NLRC5: variants seen among roughly 807,000 people sequenced by gnomAD.
The protein encoded by NLRC5 is protein NLRC5.
A neutral mutation model predicts 206.9 loss-of-function variants in NLRC5; 114 were observed. The ratio of observed to expected loss-of-function variants is 0.55; its 90% CI spans 0.47 to 0.64. NLRC5 has a LOEUF of 0.64. Ranked by LOEUF, NLRC5 falls within the 30% of genes least tolerant of loss-of-function variation. NLRC5 has a pLI of 0.00. For missense variants in NLRC5, 2,008 were observed against 2,305.5 expected, an observed-to-expected ratio of 0.87 and a Z score of 2.64; for synonymous variants, 952 against 962.8, an observed-to-expected ratio of 0.99 and a Z score of 0.21.
intron 43 of NLRC5, among the ~76,000 whole-genome samples, chr16:57,078,480 T>TG (rs1485450239): frequency 3.4e-5 from 5 of 146,572 alleles, no homozygotes; most frequent in Admixed American, 1.3e-4. Context: ...TTTTTTTTTT[T>TG]TTTTTTTTTT....
At chr16:57,051,346 C>G (rs1443120746) in intron 23 of NLRC5, among the ~76,000 whole-genome samples, 192 bp from the exon 24 acceptor site, 1 of 152,196 alleles carries the variant, frequency 6.6e-6, no homozygotes, top group Non-Finnish European at 1.5e-5. Flanking sequence ...TTGGCTTAAC[C>G]CCGTATTTCC....
Position 57,025,920 on chromosome 16 carries a change from C to T in NLRC5, c.977C>T (p.Thr326Ile). Residue 326 changes from threonine to isoleucine, a missense_variant, in exon 6 of 49, where the codon ACC (threonine) becomes ATC (isoleucine). Physicochemically the swap from Thr to Ile is moderately conservative, Grantham distance 89. Coordinates refer to ENST00000688547, the MANE Select transcript of NLRC5 (RefSeq NM_001384950.1). Reference sequence around the variant, plus strand: ...CCTGATGGCCCAGGCCCAGTCCTCACCCTTTTCTCCCATCTCTGCAATGGG... The same window carrying T: ...CCTGATGGCCCAGGCCCAGTCCTCATCCTTTTCTCCCATCTCTGCAATGGG... Reference protein sequence around the residue: ...MGPDGPGPVLTLFSHLCNGTL... With the variant: ...MGPDGPGPVLILFSHLCNGTL... 2 of 1,614,214 alleles carry T rather than the reference C, an allele frequency of 1.2e-6. No individual in the cohort carries two copies. The highest frequency in any genetic ancestry group is 3.3e-4 in the Middle Eastern group (2 of 6,062).
intron 1 of NLRC5, chr16:57,004,703 T>G (rs1211161070): frequency 6.6e-6 from 1 of 152,380 alleles, no homozygotes; most frequent in African/African-American, 2.4e-5. Context: ...CAAAGGCCTG[T>G]GGGCTGCAGG....
At chr16:57,062,146 A>AT in intron 32 of NLRC5, 1 of 860,278 alleles carries the variant, frequency 1.2e-6, no homozygotes, top group Non-Finnish European at 1.7e-6. Flanking sequence ...TTCTATTTTT[A>AT]TTTTTATTTC....
chr16:57,024,702 G>A (rs191396289), intron 5 of NLRC5, among the ~76,000 whole-genome samples: 7 of 152,178 alleles, frequency 4.6e-5, no homozygotes, highest in Admixed American at 3.9e-4. Flanking sequence ...ACAGAAAGAG[G>A]TTGTTTCAAT....
intron 1 of NLRC5, among the ~76,000 whole-genome samples, chr16:57,016,403 G>A (rs1380610167): frequency 3.3e-5 from 5 of 152,098 alleles, no homozygotes; most frequent in Non-Finnish European, 7.3e-5. Context: ...TACATTCCCC[G>A]TATTTCACAG....
Position 57,020,904 on chromosome 16 carries a change from G to C in NLRC5, c.192G>C (p.Gln64His). The change falls in exon 3 of 49, where the codon CAG becomes CAC. Residue 64 changes from glutamine (Q) to histidine (H), a missense_variant. Gln to His is a conservative substitution (Grantham distance 24). Transcript: ENST00000688547. Reference protein sequence around the residue: ...VILQLNKLHVQGSDTWQSFIH... With the variant: ...VILQLNKLHVHGSDTWQSFIH... ...TGCAACTCAACAAGCTGCATGTCCA[G>C]GGTTCGGACACCTGGCAGTCTTTCA... is the stretch of plus-strand genomic sequence containing the variant. The C allele has an allele frequency of 6.2e-7, 1 of 1,614,016 alleles. No individual in the cohort carries two copies. Among genetic ancestry groups the C allele is most frequent in the Non-Finnish European group, 8.5e-7 (1 of 1,180,016 alleles).
At chr16:57,010,681 ATT>A (rs2059394518) in intron 1 of NLRC5, among the ~76,000 whole-genome samples, 1 of 152,044 alleles carries the variant, frequency 6.6e-6, no homozygotes, top group African/African-American at 2.4e-5. Flanking sequence ...CTGCTTTTTA[ATT>A]GTAATATTCA....
At chr16:57,029,634 C>T (rs1314760001) in intron 8 of NLRC5, 139 bp from the exon 9 acceptor site, 40 of 678,076 alleles carry the variant, frequency 5.9e-5, no homozygotes, top group South Asian at 2.1e-4. Context: ...TGCTGGAATC[C>T]GGCGAGCAGG....
chr16:57,076,525 G>C (rs2068422890), intron 39 of NLRC5, among the ~76,000 whole-genome samples: 1 of 152,202 alleles, frequency 6.6e-6, no homozygotes, highest in Non-Finnish European at 1.5e-5. Flanking sequence ...AAGAAATGTA[G>C]AGACTCCTCC....
intron 13 of NLRC5, among the ~76,000 whole-genome samples, 188 bp from the exon 14 acceptor site, chr16:57,035,912 G>C (rs1330296607): frequency 6.6e-6 from 1 of 152,200 alleles, no homozygotes; most frequent in Admixed American, 6.5e-5. Flanking sequence ...GGATGAAATA[G>C]GCCAATAGTC....
chr16:57,013,849 CT>C, intron 1 of NLRC5: 2 of 667,554 alleles, frequency 3.0e-6, no homozygotes, highest in Non-Finnish European at 2.8e-6. Context: ...CCGATACTTT[CT>C]TTTTCAAAAA....
chr16:57,042,139 C>A (rs1475133470), intron 19 of NLRC5, 74 bp downstream of exon 19: 11 of 955,652 alleles, frequency 1.2e-5, no homozygotes, highest in African/African-American at 1.7e-5. Flanking sequence ...CCCCCTCTTT[C>A]CTGGGGTTAT....
intron 1 of NLRC5, among the ~76,000 whole-genome samples, chr16:56,997,377 C>A (rs1414246480): frequency 6.6e-6 from 1 of 152,062 alleles, no homozygotes; most frequent in Non-Finnish European, 1.5e-5. Flanking sequence ...GACATGTCCC[C>A]TCCTTGTGCT....
chr16:56,992,038 TCAGA>T (rs1255273514), intron 1 of NLRC5: 1 of 151,808 alleles, frequency 6.6e-6, no homozygotes, highest in Admixed American at 6.6e-5. Flanking sequence ...CATACGGGGA[TCAGA>T]CAATCATGGA....
At chr16:56,994,709 G>C (rs1356772918) in intron 1 of NLRC5, among the ~76,000 whole-genome samples, 1 of 151,994 alleles carries the variant, frequency 6.6e-6, no homozygotes, top group African/African-American at 2.4e-5. Context: ...TGGAGGAAGA[G>C]GGAACCAGTC....
At position 57,041,499 on chromosome 16, in the gene NLRC5, G is replaced by A. The variant is rs771318216; in HGVS notation, c.2954G>A (p.Gly985Asp). The change falls in exon 18 of 49, where the codon GGC (glycine) becomes GAC (aspartate). Residue 985 changes from glycine (G) to aspartate (D), a missense_variant. Gly to Asp is a moderately conservative substitution (Grantham distance 94, BLOSUM62 -1). Transcript: ENST00000688547. Reference sequence around the variant, plus strand: ...TCCCTGGGCAGGCTGACACATTGTGGCCTCCAAGAAAAGCACCTAGAGCAG... The same window carrying A: ...TCCCTGGGCAGGCTGACACATTGTGACCTCCAAGAAAAGCACCTAGAGCAG... ...SSRRMRLTHC[G>D]LQEKHLEQLC... 5.0e-6 allele frequency: 8 copies of A among 1,614,022 alleles called. No individual in the cohort carries two copies. Among genetic ancestry groups the A allele is most frequent in the Non-Finnish European group, 6.8e-6 (8 of 1,179,958 alleles).
rs751300629 is a variant in NLRC5 at position 57,026,445 on chromosome 16, C to T, written c.1502C>T (p.Thr501Ile). ...HSLLTSFCVC[T>I]GPGHQQTGYA... Reference sequence around the variant, plus strand: ...CTGCTGACTTCCTTCTGCGTCTGCACAGGCCCTGGGCACCAGCAGACAGGC... The same window carrying T: ...CTGCTGACTTCCTTCTGCGTCTGCATAGGCCCTGGGCACCAGCAGACAGGC... Residue 501 changes from threonine to isoleucine, a missense_variant, in exon 6 of 49, where the codon ACA becomes ATA. Coordinates refer to ENST00000688547, the MANE Select transcript of NLRC5 (RefSeq NM_001384950.1). 1.2e-6 allele frequency: 2 copies of T among 1,614,150 alleles called. No homozygotes were observed. Among genetic ancestry groups the T allele is most frequent in the Admixed American group, 1.7e-5 (1 of 60,032 alleles).
chr16:57,055,502 A>G lies in NLRC5; in HGVS notation c.3729A>G (p.Lys1243=). Residue 1243 remains lysine, a synonymous_variant, in exon 27 of 49, where the codon AAA becomes AAG. Transcript: ENST00000688547. ...ESLCWLLSKC[K]DLSQVDLSAN... ...TCTGCTGGTTGCTGAGCAAGTGTAA[A>G]GACCTCAGCCAGGTGGAGTAAGTTG... The G allele has an allele frequency of 6.2e-7, 1 of 1,613,856 alleles. No homozygotes were observed. Among genetic ancestry groups the G allele is most frequent in the African/African-American group, 1.3e-5 (1 of 75,020 alleles).
Sources: gnomAD v4.1 joint callset for allele counts (sites outside exome capture counted in the v4.1 genomes callset) on GRCh38, gnomAD v4.1.1 for gene constraint, MANE v1.5 for transcripts, NCBI Gene and HGNC (gene_info 2026-07-23, HGNC 2026-07-21) for gene names.